TTLL11: variants seen among roughly 807,000 people sequenced by gnomAD.
TTLL11 encodes the protein tubulin polyglutamylase TTLL11.
Under a neutral mutation model 51.7 loss-of-function variants are expected in TTLL11, and 42 were observed. The ratio of observed to expected loss-of-function variants is 0.81; its 90% CI spans 0.64 to 1.05. TTLL11 has a LOEUF of 1.05. Among genes scored for constraint, TTLL11 ranks in the 50% least tolerant of loss-of-function variants. The pLI is 0.00. For synonymous variants in TTLL11, 381 were observed against 383.5 expected, an observed-to-expected ratio of 0.99 and a Z score of 0.08; for missense variants, 799 against 940.4, an observed-to-expected ratio of 0.85 and a Z score of 1.97.
Position 121,989,267 on chromosome 9 carries a change from C to T in TTLL11, c.1197G>A (p.Ala399=), listed in dbSNP as rs201573108. 1.4e-5 allele frequency: 22 copies of T among 1,614,120 alleles called. No individual in the cohort carries two copies. The highest frequency in any genetic ancestry group is 1.7e-4 in the Middle Eastern group (1 of 6,060). The change falls in exon 4 of 9, where the codon GCG becomes GCA. Residue 399 remains alanine, a synonymous_variant. Coordinates refer to ENST00000321582, the MANE Select transcript of TTLL11 (RefSeq NM_001139442.2). The surrounding 1 kb of genome is among the most constrained non-coding windows in gnomAD (Gnocchi z 4.2). ...IISVVIKTVI[A]LTPELKVFYQ... The stretch of plus-strand genomic sequence containing the variant: ...AGAAGACTTTGAGCTCTGGAGTCAG[C>T]GCGATGACCGTCTTAATCACCACGG...
intron 6 of TTLL11, among the ~76,000 whole-genome samples, chr9:121,884,315 C>A (rs1838917569): frequency 6.6e-6 from 1 of 151,218 alleles, no homozygotes; most frequent in East Asian, 2.0e-4. Context: ...CAAAGGTTTC[C>A]ATGCCAACAG....
intron 4 of TTLL11, among the ~76,000 whole-genome samples, chr9:121,977,744 G>A (rs10818614): frequency 3.3e-5 from 5 of 150,250 alleles, no homozygotes; most frequent in African/African-American, 9.8e-5. Flanking sequence ...GCACCATCTC[G>A]GCTCACTGCA....
rs1843247279 is a variant in TTLL11, at chr9:121,995,943, A to G, written c.694-6173T>C. Among the ~76,000 whole-genome samples, 1 of 152,216 alleles carries G rather than the reference A, an allele frequency of 6.6e-6. No homozygotes were observed. Among genetic ancestry groups the G allele is most frequent in the Non-Finnish European group, 1.5e-5 (1 of 68,032 alleles). On this transcript the variant is annotated intron_variant, in intron 3 of 8. Coordinates refer to ENST00000321582, the MANE Select transcript of TTLL11 (RefSeq NM_001139442.2). The surrounding 1 kb of genome is among the most constrained non-coding windows in gnomAD (Gnocchi z 4.4). ...GCGCGGGAACCACGGGCCCGTGAGAAGTAGTGCCTGCCACTGTGCAGGCAA... is the reference window on the plus strand; with the variant it reads ...GCGCGGGAACCACGGGCCCGTGAGAGGTAGTGCCTGCCACTGTGCAGGCAA...
At chr9:122,051,679 C>T (rs1160868632) in intron 1 of TTLL11, among the ~76,000 whole-genome samples, 1 of 152,122 alleles carries the variant, frequency 6.6e-6, no homozygotes, top group Non-Finnish European at 1.5e-5. Flanking sequence ...TCTCACTTCC[C>T]ACTCGCTGGT....
At chr9:121,862,428 C>A (rs1324536947) in intron 7 of TTLL11, among the ~76,000 whole-genome samples, 3 of 152,124 alleles carry the variant, frequency 2.0e-5, no homozygotes, top group African/African-American at 7.2e-5. Flanking sequence ...CTGGTAGGCC[C>A]ACAGCAATTG....
chr9:121,835,121 C>T (rs116327904), intron 8 of TTLL11, among the ~76,000 whole-genome samples: 2,027 of 152,188 alleles, frequency 0.013, 53 homozygotes, highest in African/African-American at 0.047. Context: ...AGGGGCTGGA[C>T]GGAGTGATCT....
Position 122,040,089 on chromosome 9 carries a change from T to C in TTLL11, c.463-721A>G, listed in dbSNP as rs905300518. On this transcript the variant is annotated intron_variant, in intron 1 of 8. Transcript: ENST00000321582. ...ATCAGAGATGCCAGGCAGCCTCTGC[T>C]GGCCCTTGAACTGGCAGGGATAAAA... 3.3e-5 allele frequency among the ~76,000 whole-genome samples: 5 copies of C among 152,214 alleles called. No homozygotes were observed. The East Asian group carries it at 9.6e-4, about 29-fold the overall frequency.
intron 3 of TTLL11, among the ~76,000 whole-genome samples, chr9:122,013,845 A>G (rs1197894926): frequency 6.6e-6 from 1 of 152,222 alleles, no homozygotes; most frequent in African/African-American, 2.4e-5. Flanking sequence ...CTCCAACTGA[A>G]ACCCTGGCAG....
At chr9:121,868,564 C>T (rs1838248873) in intron 7 of TTLL11, among the ~76,000 whole-genome samples, 2 of 152,222 alleles carry the variant, frequency 1.3e-5, no homozygotes, top group South Asian at 4.2e-4. Flanking sequence ...GAGCAGCCCT[C>T]TTGTGACCAT....
intron 6 of TTLL11, among the ~76,000 whole-genome samples, chr9:121,879,612 G>C (rs1178439331): frequency 6.6e-6 from 1 of 152,202 alleles, no homozygotes; most frequent in African/African-American, 2.4e-5. Flanking sequence ...CATCACACAG[G>C]GGTGGCAAAG....
chr9:122,075,303 G>A (rs368399757), intron 1 of TTLL11, among the ~76,000 whole-genome samples: 4 of 152,328 alleles, frequency 2.6e-5, no homozygotes, highest in African/African-American at 9.6e-5. Context: ...GTGATCACCC[G>A]TGCCTTGCAC....
intron 1 of TTLL11, among the ~76,000 whole-genome samples, chr9:122,081,511 T>C (rs1003980962): frequency 6.6e-6 from 1 of 152,368 alleles, no homozygotes; most frequent in Non-Finnish European, 1.5e-5. Flanking sequence ...AAATCTACCA[T>C]ACTTACTGCA....
intron 6 of TTLL11, among the ~76,000 whole-genome samples, chr9:121,953,648 AAAAAAAG>A (rs1440104557): frequency 6.3e-4 from 57 of 89,816 alleles, no homozygotes; most frequent in Admixed American, 4.4e-3. Flanking sequence ...AAAAAAAAAA[AAAAAAAG>A]AAGAAGATTA....
chr9:122,057,153 G>A (rs1016234224), intron 1 of TTLL11, among the ~76,000 whole-genome samples: 1 of 152,148 alleles, frequency 6.6e-6, no homozygotes, highest in Non-Finnish European at 1.5e-5. Context: ...TTTTAAAGGT[G>A]TTCAGGGAGG....
At chr9:122,047,125 C>T (rs1421840699) in intron 1 of TTLL11, among the ~76,000 whole-genome samples, 1 of 152,154 alleles carries the variant, frequency 6.6e-6, no homozygotes, top group African/African-American at 2.4e-5. Context: ...CCTGAGAAGG[C>T]CACCCCGTGT....
chr9:122,020,386 T>C (rs1449489932), intron 3 of TTLL11, among the ~76,000 whole-genome samples: 3 of 152,236 alleles, frequency 2.0e-5, no homozygotes, highest in African/African-American at 7.2e-5. Context: ...TCCTTTTCTC[T>C]GGAACATTTC....
At chr9:122,063,342 A>T (rs1469068828) in intron 1 of TTLL11, among the ~76,000 whole-genome samples, 2 of 152,224 alleles carry the variant, frequency 1.3e-5, no homozygotes, top group Non-Finnish European at 2.9e-5. Flanking sequence ...ATAACATCAG[A>T]TCTATTGTTG....
intron 6 of TTLL11, among the ~76,000 whole-genome samples, chr9:121,917,547 A>AGAAAG (rs1564304013): frequency 4.4e-5 from 6 of 134,852 alleles, no homozygotes; most frequent in Middle Eastern, 3.6e-3. Context: ...GGAAGGAAGA[A>AGAAAG]AAAGAAAAAG....
intron 1 of TTLL11, among the ~76,000 whole-genome samples, chr9:122,061,288 T>C (rs1385492001): frequency 6.6e-6 from 1 of 152,248 alleles, no homozygotes; most frequent in Non-Finnish European, 1.5e-5. Context: ...AATAAGGTCA[T>C]ATTCACAGAT....
Sources: allele counts gnomAD v4.1 joint callset (sites outside exome capture counted in the v4.1 genomes callset), GRCh38; gene constraint gnomAD v4.1.1; non-coding constraint Gnocchi (gnomAD v3.1); transcripts MANE v1.5; gene names NCBI Gene and HGNC (gene_info 2026-07-23, HGNC 2026-07-21).